Variants in SEPTIN9 observed in about 807,000 individuals in gnomAD.
SEPTIN9 encodes septin 9, also known as septin-9.
SEPTIN9 carries 13 observed loss-of-function variants against 56.6 expected under a neutral mutation model. The observed-to-expected ratio is 0.23, with a 90% CI of 0.15 to 0.37. The LOEUF (loss-of-function observed/expected upper bound fraction) is 0.37. SEPTIN9 is among the 10% of genes least tolerant of loss of function. SEPTIN9 has a pLI of 1.00. For synonymous variants in SEPTIN9, 332 were observed against 334.1 expected, an observed-to-expected ratio of 0.99 and a Z score of 0.07; for missense variants, 650 against 823.1, an observed-to-expected ratio of 0.79 and a Z score of 2.57.
rs752692131 is a variant in SEPTIN9 at position 77,499,466 on chromosome 17, C to T, written c.*808C>T. On this transcript the variant is annotated 3_prime_UTR_variant, in exon 12 of 12. Coordinates refer to ENST00000427177, the MANE Select transcript of SEPTIN9 (RefSeq NM_001113491.2). Reference sequence around the variant, plus strand: ...AAAAAGGAAGGAGAGATGACCCCTACCCCCTCATCCCCCAGTTTTGAAAAG... The same window carrying T: ...AAAAAGGAAGGAGAGATGACCCCTATCCCCTCATCCCCCAGTTTTGAAAAG... 5.2e-5 allele frequency: 27 copies of T among 517,738 alleles called. No homozygotes were observed. The highest frequency in any genetic ancestry group is 9.0e-5 in the Non-Finnish European group (24 of 265,830). The allele number at this position is 517,738 out of a possible 1,614,324, so 32.1% of individuals were successfully genotyped here.
In SEPTIN9 at chr17:77,482,208, G is replaced by A; in HGVS notation, c.786G>A (p.Lys262=). Reference sequence around the variant, plus strand: ...ACACCCCCAGAGATGCCGGGCTCAAGCAGGCGCCTGCATCACGGAACGAGA... The same window carrying A: ...ACACCCCCAGAGATGCCGGGCTCAAACAGGCGCCTGCATCACGGAACGAGA... The part of the protein sequence containing the change: ...MADTPRDAGL[K]QAPASRNEKA... The change falls in exon 4 of 12, where the codon AAG becomes AAA. Residue 262 remains lysine, a synonymous_variant. Coordinates refer to ENST00000427177, the MANE Select transcript of SEPTIN9 (RefSeq NM_001113491.2). 1 of 1,612,000 alleles carries A rather than the reference G, an allele frequency of 6.2e-7. No individual in the cohort carries two copies. Among genetic ancestry groups the A allele is most frequent in the Non-Finnish European group, 8.5e-7 (1 of 1,179,482 alleles).
intron 2 of SEPTIN9, among the ~76,000 whole-genome samples, chr17:77,359,245 GA>G (rs1231880237): frequency 6.6e-6 from 1 of 152,060 alleles, no homozygotes; most frequent in Non-Finnish European, 1.5e-5. Context: ...AGTTACTATA[GA>G]AAAAAGGGAG....
chr17:77,388,601 T>A (rs913211548), intron 2 of SEPTIN9, among the ~76,000 whole-genome samples: 1 of 152,124 alleles, frequency 6.6e-6, no homozygotes, highest in Non-Finnish European at 1.5e-5. Context: ...CTCCCCTGGC[T>A]CTGCAGGTCT....
At chr17:77,462,525 C>G (rs760262770) in intron 3 of SEPTIN9, among the ~76,000 whole-genome samples, 1 of 152,260 alleles carries the variant, frequency 6.6e-6, no homozygotes, top group African/African-American at 2.4e-5. Flanking sequence ...CTCGAGCAAT[C>G]CTCCTGCCTT....
At position 77,445,538 on chromosome 17, in the gene SEPTIN9, G is replaced by A. The variant is rs2037708127; in HGVS notation, c.722-36606G>A. ...TGTGTGCACGCACGTGTGTGTGTGTGTGCGTGCGTGCTGGGTGGGTAGGGA... is the reference window on the plus strand; with the variant it reads ...TGTGTGCACGCACGTGTGTGTGTGTATGCGTGCGTGCTGGGTGGGTAGGGA... On this transcript the variant is annotated intron_variant, in intron 3 of 11. Transcript: ENST00000427177. The surrounding 1 kb of genome is among the most constrained non-coding windows in gnomAD (Gnocchi z 4.7). 1 of 398,756 alleles carries A rather than the reference G, an allele frequency of 2.5e-6. No homozygotes were observed. The highest frequency in any genetic ancestry group is 5.3e-6 in the Non-Finnish European group (1 of 189,284). The allele number at this position is 398,756 out of a possible 1,614,324, so 24.7% of individuals were successfully genotyped here. A position where few individuals can be genotyped will look rare whatever the true frequency, so the allele number is the denominator to read the frequency against.
At position 77,436,976 on chromosome 17, in the gene SEPTIN9, G is replaced by C. The variant is rs1439606870; in HGVS notation, c.721+34273G>C. Among the ~76,000 whole-genome samples, 4 of 152,238 alleles carry C rather than the reference G, an allele frequency of 2.6e-5. No individual in the cohort carries two copies. The highest frequency in any genetic ancestry group is 9.6e-5 in the African/African-American group (4 of 41,468). On this transcript the variant is annotated intron_variant, in intron 3 of 11. Transcript: ENST00000427177. The surrounding 1 kb of genome is among the most constrained non-coding windows in gnomAD (Gnocchi z 4.4). ...GGACACAGATTCACGCGATTGTGCA[G>C]ATCACCTGGCCTCACTCCCTCGGTT...
chr17:77,373,977 G>T (rs144764632), intron 2 of SEPTIN9: 86 of 163,048 alleles, frequency 5.3e-4, no homozygotes, highest in African/African-American at 1.8e-3. Flanking sequence ...CTCGGGCCCC[G>T]CTTGGACCCG....
At position 77,310,690 on chromosome 17, in the gene SEPTIN9, G is replaced by A. The variant is rs757066319; in HGVS notation, c.76+3493G>A. Reference sequence around the variant, plus strand: ...CCTTCTGGTAGGCTCTCCCATGTTCGCTCATTTTCTGTGCCTCAGGCAGCC... The same window carrying A: ...CCTTCTGGTAGGCTCTCCCATGTTCACTCATTTTCTGTGCCTCAGGCAGCC... On this transcript the variant is annotated intron_variant, in intron 2 of 11. Transcript: ENST00000427177. The surrounding 1 kb of genome is among the most constrained non-coding windows in gnomAD (Gnocchi z 4.7). Among the ~76,000 whole-genome samples the A allele has an allele frequency of 5.3e-5, 8 of 152,082 alleles. No individual in the cohort carries two copies. Among genetic ancestry groups the A allele is most frequent in the Admixed American group, 1.3e-4 (2 of 15,262 alleles).
chr17:77,445,380 TG>T lies in SEPTIN9; in HGVS notation c.722-36760del. The T allele has an allele frequency of 2.1e-6, 1 of 466,590 alleles. No individual in the cohort carries two copies. 28.9% of individuals were successfully genotyped at this position (466,590 alleles called of 1,614,324 possible). A position where few individuals can be genotyped will look rare whatever the true frequency, so the allele number is the denominator to read the frequency against. Reference sequence around the variant, plus strand: ...ATGGGAAGCATCTGCTGCATCCCATTGGGGTGTTGCCCAGGATGGATTGGAA... The same window carrying T: ...ATGGGAAGCATCTGCTGCATCCCATTGGGTGTTGCCCAGGATGGATTGGAA... On this transcript the variant is annotated intron_variant, in intron 3 of 11. Transcript: ENST00000427177. This position sits in a 1 kb window ranked among gnomAD's most constrained non-coding sequence, Gnocchi z 4.7.
intron 2 of SEPTIN9, among the ~76,000 whole-genome samples, chr17:77,344,184 C>CAA (rs60905002): frequency 1.1e-4 from 16 of 151,696 alleles, no homozygotes; most frequent in African/African-American, 1.7e-4. Flanking sequence ...AGCCACAAAA[C>CAA]AAAAAAAAAC....
chr17:77,440,913 G>A (rs1202879466), intron 3 of SEPTIN9, among the ~76,000 whole-genome samples: 2 of 152,262 alleles, frequency 1.3e-5, no homozygotes, highest in Admixed American at 6.5e-5. Flanking sequence ...ACAGCTGGGT[G>A]GTGGAGACCT....
chr17:77,346,481 A>G, intron 2 of SEPTIN9, among the ~76,000 whole-genome samples: 1 of 151,834 alleles, frequency 6.6e-6, no homozygotes, highest in South Asian at 2.1e-4. Flanking sequence ...ATTTGCAAAT[A>G]GTCAAGGCTC....
intron 2 of SEPTIN9, among the ~76,000 whole-genome samples, chr17:77,335,641 A>G (rs1376089910): frequency 6.8e-6 from 1 of 146,720 alleles, no homozygotes; most frequent in African/African-American, 2.5e-5. Context: ...GTCCTGTATT[A>G]GTATATGTAC....
chr17:77,319,545 A>T lies in SEPTIN9; in HGVS notation c.76+12348A>T. On this transcript the variant is annotated intron_variant, in intron 2 of 11. Coordinates refer to ENST00000427177, the MANE Select transcript of SEPTIN9 (RefSeq NM_001113491.2). The surrounding 1 kb of genome is among the most constrained non-coding windows in gnomAD (Gnocchi z 5.3). ...CTGTCACTGCAGACTAATGGGACGG[A>T]GGGGGGTGACTTCTCAGGGTTCCTC... 1 of 1,051,400 alleles carries T rather than the reference A, an allele frequency of 9.5e-7. No homozygotes were observed. Among genetic ancestry groups the T allele is most frequent in the East Asian group, 5.4e-5 (1 of 18,608 alleles). 65.1% of individuals were successfully genotyped at this position (1,051,400 alleles called of 1,614,324 possible).
In SEPTIN9 at chr17:77,475,498, T is replaced by C. The variant is rs751547051; in HGVS notation, c.722-6646T>C. The C allele has an allele frequency of 2.5e-6, 4 of 1,603,530 alleles. No homozygotes were observed. In the South Asian group the frequency reaches 4.4e-5, roughly 18 times the overall value. ...GGGGGACAGGGAGCATCTGTTAGTT[T>C]ATAGGACCTGAAGTGCCCCCATGGG... is the stretch of plus-strand genomic sequence containing the variant. On this transcript the variant is annotated intron_variant, in intron 3 of 11. Coordinates refer to ENST00000427177, the MANE Select transcript of SEPTIN9 (RefSeq NM_001113491.2). The surrounding 1 kb of genome is among the most constrained non-coding windows in gnomAD (Gnocchi z 4.6).
In SEPTIN9 at chr17:77,326,259, G is replaced by A. The variant is rs564130107; in HGVS notation, c.76+19062G>A. 6.6e-6 allele frequency among the ~76,000 whole-genome samples: 1 copy of A among 152,304 alleles called. No individual in the cohort carries two copies. Among genetic ancestry groups the A allele is most frequent in the East Asian group, 1.9e-4 (1 of 5,188 alleles). ...GGGTGCTCCCTGTGGACTTGGCGCT[G>A]GGGTCCCGTGGAGGACAAAGCCAGA... On this transcript the variant is annotated intron_variant, in intron 2 of 11. Transcript: ENST00000427177. The surrounding 1 kb of genome is among the most constrained non-coding windows in gnomAD (Gnocchi z 5.1).
chr17:77,336,952 T>G (rs570019664), intron 2 of SEPTIN9, among the ~76,000 whole-genome samples: 1 of 152,124 alleles, frequency 6.6e-6, no homozygotes, highest in Non-Finnish European at 1.5e-5. Context: ...GTTTTGTCTT[T>G]TATTCGTTTA....
At chr17:77,383,156 C>G (rs1304053242) in intron 2 of SEPTIN9, among the ~76,000 whole-genome samples, 1 of 138,438 alleles carries the variant, frequency 7.2e-6, no homozygotes, top group African/African-American at 2.7e-5. Context: ...CTCTTTCTTT[C>G]CCTCCCTCTT....
intron 2 of SEPTIN9, among the ~76,000 whole-genome samples, chr17:77,339,009 G>A (rs1598214851): frequency 6.6e-6 from 1 of 152,300 alleles, no homozygotes; most frequent in African/African-American, 2.4e-5. Flanking sequence ...ATCTGTTCAA[G>A]TTTGATCATG....
Sources: allele counts gnomAD v4.1 joint callset (sites outside exome capture counted in the v4.1 genomes callset), GRCh38; gene constraint gnomAD v4.1.1; non-coding constraint Gnocchi (gnomAD v3.1); transcripts MANE v1.5; gene names NCBI Gene and HGNC (gene_info 2026-07-23, HGNC 2026-07-21).